Variants in TIAM2 observed in about 807,000 individuals in gnomAD.
TIAM2 encodes the protein TIAM Rac1 associated GEF 2.
A neutral mutation model predicts 152.9 loss-of-function variants in TIAM2; 80 were observed. The ratio of observed to expected loss-of-function variants is 0.52; its 90% CI spans 0.44 to 0.63. TIAM2 has a LOEUF of 0.63. Among genes scored for constraint, TIAM2 ranks in the 30% least tolerant of loss-of-function variants. The pLI is 0.00. For synonymous variants in TIAM2, 804 were observed against 838.0 expected, an observed-to-expected ratio of 0.96 and a Z score of 0.70; for missense variants, 1,965 against 2,120.1, an observed-to-expected ratio of 0.93 and a Z score of 1.44.
intron 1 of TIAM2, among the ~76,000 whole-genome samples, chr6:155,006,539 G>A (rs531949401): frequency 6.6e-6 from 1 of 151,686 alleles, no homozygotes; most frequent in Non-Finnish European, 1.5e-5. Context: ...GGTGGCGCAT[G>A]CCTGTAATCC....
rs1004412431 is a variant in TIAM2 at position 155,028,527 on chromosome 6, AT to A, written c.-209+33036del. ...TACATATATACTACATATAATATAT[AT>A]ACTGTGTTACATATATACTACATAT... On this transcript the variant is annotated intron_variant, in intron 1 of 26. Coordinates refer to ENST00000682666, the MANE Select transcript of TIAM2 (RefSeq NM_012454.4). Among the ~76,000 whole-genome samples, 57 of 139,130 alleles carry A rather than the reference AT, an allele frequency of 4.1e-4. 1 individual carries two copies. Among genetic ancestry groups the A allele is most frequent in the African/African-American group, 1.5e-3 (56 of 38,326 alleles). 91.3% of individuals were successfully genotyped at this position (139,130 alleles called of 152,430 possible). A position where few individuals can be genotyped will look rare whatever the true frequency, so the allele number is the denominator to read the frequency against.
chr6:155,103,182 G>A (rs961786580), intron 2 of TIAM2, among the ~76,000 whole-genome samples: 23 of 152,190 alleles, frequency 1.5e-4, no homozygotes, highest in African/African-American at 5.6e-4. Context: ...GTATACGACT[G>A]TAGTTGGGCA....
chr6:155,028,166 TATA>T (rs1294459546), intron 1 of TIAM2, among the ~76,000 whole-genome samples: 4 of 124,154 alleles, frequency 3.2e-5, no homozygotes, highest in South Asian at 2.6e-4. Flanking sequence ...ATATACTACA[TATA>T]ATATATGTAC....
chr6:155,029,355 T>TTA lies in TIAM2; in HGVS notation c.-209+33870_-209+33871dup, dbSNP rs200450296. On this transcript the variant is annotated intron_variant, in intron 1 of 26. Coordinates refer to ENST00000682666, the MANE Select transcript of TIAM2 (RefSeq NM_012454.4). ...ATGTGTTATATATAATATATATACG[T>TTA]TATATATAATATATACTATATATAC... Among the ~76,000 whole-genome samples the TTA allele has an allele frequency of 2.1e-3, 143 of 67,572 alleles. 16 individuals carry two copies. The highest frequency in any genetic ancestry group is 0.015 in the South Asian group (40 of 2,742). 44.3% of individuals were successfully genotyped at this position (67,572 alleles called of 152,430 possible). A position where few individuals can be genotyped will look rare whatever the true frequency, so the allele number is the denominator to read the frequency against.
intron 1 of TIAM2, among the ~76,000 whole-genome samples, chr6:155,025,883 AAAG>A (rs1776593126): frequency 6.7e-6 from 1 of 149,994 alleles, no homozygotes; most frequent in African/African-American, 2.5e-5. Context: ...CACAGAAAAG[AAAG>A]AAGGGAAGGA....
chr6:155,058,901 A>G (rs1212723957), intron 1 of TIAM2, among the ~76,000 whole-genome samples: 1 of 152,244 alleles, frequency 6.6e-6, no homozygotes, highest in Non-Finnish European at 1.5e-5. Context: ...ATAGAAGCAC[A>G]GAGGAATGGT....
chr6:155,029,091 A>G (rs1776723699), intron 1 of TIAM2, among the ~76,000 whole-genome samples: 1 of 123,734 alleles, frequency 8.1e-6, no homozygotes, highest in Non-Finnish European at 1.7e-5. Flanking sequence ...TTATATATAC[A>G]CTGTATATAC....
chr6:155,001,719 G>A (rs1383130115), intron 1 of TIAM2, among the ~76,000 whole-genome samples: 1 of 152,174 alleles, frequency 6.6e-6, no homozygotes, highest in Non-Finnish European at 1.5e-5. Flanking sequence ...TCATGGTGTT[G>A]GATTACAAGC....
intron 1 of TIAM2, among the ~76,000 whole-genome samples, chr6:155,018,836 C>T (rs1451501129): frequency 8.4e-5 from 11 of 131,526 alleles, no homozygotes; most frequent in African/African-American, 2.3e-4. Context: ...GTCACGAGTT[C>T]GACATCAGCC....
intron 2 of TIAM2, among the ~76,000 whole-genome samples, chr6:155,105,875 T>C (rs1562317821): frequency 1.3e-5 from 2 of 152,122 alleles, no homozygotes; most frequent in Admixed American, 6.5e-5. Context: ...TTAAGTGGTT[T>C]TCTTCTATAA....
At chr6:155,041,899 A>G (rs1389906053) in intron 1 of TIAM2, among the ~76,000 whole-genome samples, 2 of 152,304 alleles carry the variant, frequency 1.3e-5, no homozygotes, top group Admixed American at 1.3e-4. Flanking sequence ...ACTTGCTTTC[A>G]GATAAATTTA....
At chr6:155,122,009 A>G (rs1779164289) in intron 2 of TIAM2, 1 of 152,308 alleles carries the variant, frequency 6.6e-6, no homozygotes, top group Admixed American at 6.5e-5. Flanking sequence ...TTTGCTGTAA[A>G]TGCCACACTA....
intron 1 of TIAM2, among the ~76,000 whole-genome samples, chr6:155,015,967 A>AC (rs1348783799): frequency 2.0e-5 from 3 of 151,384 alleles, no homozygotes; most frequent in Non-Finnish European, 4.4e-5. Context: ...AAAAAAAAAA[A>AC]AAAAAACTCC....
chr6:155,027,905 A>T (rs553199191), intron 1 of TIAM2, among the ~76,000 whole-genome samples: 4 of 88,154 alleles, frequency 4.5e-5, no homozygotes, highest in Non-Finnish European at 6.1e-5. Flanking sequence ...TATACTATAT[A>T]ATATGTACTG....
At chr6:155,157,011 C>T (rs1780133896) in intron 7 of TIAM2, among the ~76,000 whole-genome samples, 1 of 152,220 alleles carries the variant, frequency 6.6e-6, no homozygotes, top group South Asian at 2.1e-4. Flanking sequence ...TGCTGTCATC[C>T]ATGGCTTTGT....
intron 1 of TIAM2, among the ~76,000 whole-genome samples, chr6:155,039,903 C>A (rs548802879): frequency 9.1e-4 from 138 of 152,300 alleles, no homozygotes; most frequent in African/African-American, 3.2e-3. Context: ...AGCTAGGAAG[C>A]GCCTAGGCAC....
chr6:155,022,747 C>T (rs75310062), intron 1 of TIAM2, among the ~76,000 whole-genome samples: 1,746 of 152,296 alleles, frequency 0.011, 29 homozygotes, highest in East Asian at 0.056. Flanking sequence ...CAATGCAATG[C>T]TTATTGTTGA....
Position 155,121,724 on chromosome 6 carries a change from ATC to A in TIAM2, c.-117-5760_-117-5759del, listed in dbSNP as rs1290753327. On this transcript the variant is annotated intron_variant, in intron 2 of 26. Transcript: ENST00000682666. The stretch of plus-strand genomic sequence containing the variant: ...ATGAGGGTCCTAGTTTAGTATAAGA[ATC>A]TCTCTGGAGCGACGTGAAGCCTGTT... Among the ~76,000 whole-genome samples, 3 of 152,160 alleles carry A rather than the reference ATC, an allele frequency of 2.0e-5. No individual in the cohort carries two copies. The East Asian group carries it at 5.8e-4, about 29-fold the overall frequency.
At chr6:155,242,873 C>A (rs965566638) in intron 16 of TIAM2, among the ~76,000 whole-genome samples, 38 of 151,198 alleles carry the variant, frequency 2.5e-4, no homozygotes, top group African/African-American at 9.2e-4. Context: ...GTAGCTGGGA[C>A]TACAGGCACC....
Sources: allele counts gnomAD v4.1 joint callset (sites outside exome capture counted in the v4.1 genomes callset), GRCh38; gene constraint gnomAD v4.1.1; transcripts MANE v1.5; gene names NCBI Gene and HGNC (gene_info 2026-07-23, HGNC 2026-07-21).